SHOX: variants seen among roughly 807,000 people sequenced by gnomAD.
SHOX encodes short stature homeobox protein.
In SHOX, 12 loss-of-function variants were observed where a neutral mutation model predicts 29.6. That is an observed-to-expected ratio of 0.41 (90% confidence interval 0.26 to 0.66). The LOEUF (loss-of-function observed/expected upper bound fraction) is 0.66. Ranked by LOEUF, SHOX falls within the 30% of genes least tolerant of loss-of-function variation. The pLI, the probability that SHOX is intolerant of heterozygous loss-of-function variation, is 0.35. For missense variants in SHOX, 499 were observed against 437.7 expected (o/e 1.14, Z -1.25); for synonymous variants, 214 against 200.6 (o/e 1.07, Z -0.57).
At chrX:638,853 C>T (rs1363135845) in intron 2 of SHOX, among the ~76,000 whole-genome samples, 2 of 152,306 alleles carry the variant, frequency 1.3e-5, no homozygotes, top group South Asian at 2.1e-4. Context: ...ACCGCCTTGG[C>T]GGAGGACGCC....
At chrX:656,855 AAAAAAC>A (rs1213753198) in intron 5 of SHOX, among the ~76,000 whole-genome samples, 1 of 142,894 alleles carries the variant, frequency 7.0e-6, no homozygotes, top group Non-Finnish European at 1.5e-5. Context: ...AAAAAAAAAA[AAAAAAC>A]TGCTGCCCAA....
downstream of SHOX, among the ~76,000 whole-genome samples, chrX:655,271 C>A (rs1486002568): frequency 2.0e-5 from 3 of 151,744 alleles, no homozygotes; most frequent in African/African-American, 4.8e-5. Context: ...CCACGCCCGG[C>A]TAATTTTTTG....
At chrX:651,603 A>AAAAAT (rs1426433163), downstream of SHOX, 1 of 280,408 alleles carries the variant, frequency 3.6e-6, no homozygotes, top group African/African-American at 2.3e-5. Context: ...TTAAAAAAAA[A>AAAAAT]AAAATTCTCA....
chrX:653,240 CA>C (rs373588698), downstream of SHOX, among the ~76,000 whole-genome samples: 19 of 151,908 alleles, frequency 1.3e-4, no homozygotes, highest in African/African-American at 4.1e-4. Flanking sequence ...GACGCTGTCT[CA>C]AAAAAATGAA....
At position 646,562 on chromosome X, in the gene SHOX, T is replaced by C. The variant is rs2052967820; in HGVS notation, c.*1926T>C. On this transcript the variant is annotated 3_prime_UTR_variant, in exon 5 of 5. Coordinates refer to ENST00000686671, the MANE Select transcript of SHOX (RefSeq NM_000451.4). ...GAAAAAAAAAAACAACTTCTTTTTT[T>C]CTTCCGCATAACACTTTCTATCTTG... 6.6e-6 allele frequency: 1 copy of C among 152,172 alleles called. No homozygotes were observed. The highest frequency in any genetic ancestry group is 1.5e-5 in the Non-Finnish European group (1 of 68,028). 9.4% of individuals were successfully genotyped at this position (152,172 alleles called of 1,614,324 possible). A position where few individuals can be genotyped will look rare whatever the true frequency, so the allele number is the denominator to read the frequency against.
chrX:650,218 A>G lies in SHOX; in HGVS notation c.*5582A>G, dbSNP rs1002962059. 1.3e-5 allele frequency among the ~76,000 whole-genome samples: 2 copies of G among 152,158 alleles called. No homozygotes were observed. The highest frequency in any genetic ancestry group is 2.9e-5 in the Non-Finnish European group (2 of 68,026). ...TTTAGAGCGTAACTGACCGCGTCCA[A>G]CACCCGTTTTTCCACTTACAAAGCT... On this transcript the variant is annotated 3_prime_UTR_variant, in exon 5 of 5. Coordinates refer to ENST00000686671, the MANE Select transcript of SHOX (RefSeq NM_000451.4).
At chrX:634,193 G>T (rs1273490635) in intron 1 of SHOX, among the ~76,000 whole-genome samples, 7 of 152,202 alleles carry the variant, frequency 4.6e-5, no homozygotes, top group Non-Finnish European at 5.9e-5. Flanking sequence ...GCGTCTCTCC[G>T]TAGGCCTAGA....
chrX:635,882 G>C (rs1232385238), intron 2 of SHOX, among the ~76,000 whole-genome samples: 2 of 145,668 alleles, frequency 1.4e-5, no homozygotes, highest in Admixed American at 1.4e-4. Context: ...GAGAGAGAGA[G>C]AGACGGTCAG....
At chrX:629,481 GTCTC>G (rs1449789503), upstream of SHOX, among the ~76,000 whole-genome samples, 2 of 140,948 alleles carry the variant, frequency 1.4e-5, no homozygotes, top group African/African-American at 5.3e-5. Context: ...GTCTTTCCTT[GTCTC>G]TCTCTTTCTC....
downstream of SHOX, among the ~76,000 whole-genome samples, chrX:655,239 C>T (rs911469283): frequency 4.6e-5 from 7 of 151,862 alleles, no homozygotes; most frequent in African/African-American, 1.7e-4. Flanking sequence ...TCCCGAGTAG[C>T]TGGGATTACA....
intron 1 of SHOX, among the ~76,000 whole-genome samples, chrX:625,549 C>T (rs927735179): frequency 2.0e-5 from 3 of 150,260 alleles, no homozygotes; most frequent in Admixed American, 1.3e-4. Flanking sequence ...CTCTCTTTCT[C>T]TCCTCTGTCT....
intron 2 of SHOX, among the ~76,000 whole-genome samples, chrX:635,070 A>G (rs2052721265): frequency 6.6e-6 from 1 of 152,090 alleles, no homozygotes; most frequent in African/African-American, 2.4e-5. Flanking sequence ...TATTATACAA[A>G]TAACAAATAA....
In SHOX at chrX:644,835, T is replaced by C; in HGVS notation, c.*199T>C. 1.4e-6 allele frequency: 1 copy of C among 697,486 alleles called. No individual in the cohort carries two copies. The highest frequency in any genetic ancestry group is 2.1e-6 in the Non-Finnish European group (1 of 475,774). The allele number at this position is 697,486 out of a possible 1,614,324, so 43.2% of individuals were successfully genotyped here. A position where few individuals can be genotyped will look rare whatever the true frequency, so the allele number is the denominator to read the frequency against. On this transcript the variant is annotated 3_prime_UTR_variant, in exon 5 of 5. Coordinates refer to ENST00000686671, the MANE Select transcript of SHOX (RefSeq NM_000451.4). The stretch of plus-strand genomic sequence containing the variant: ...CGACCCAGCCAGACCCTCGCGGAGA[T>C]GGTGCAGAAGGCGGAGCGGGTGAGC...
chrX:636,830 T>C lies in SHOX; in HGVS notation c.486+2004T>C, dbSNP rs777728142. Reference sequence around the variant, plus strand: ...TTGGCCCCTGATTCCCTTCGGTTCCTGTGGGATGGGTGATTGAGTCAACAC... The same window carrying C: ...TTGGCCCCTGATTCCCTTCGGTTCCCGTGGGATGGGTGATTGAGTCAACAC... On this transcript the variant is annotated intron_variant, in intron 2 of 4. Coordinates refer to ENST00000686671, the MANE Select transcript of SHOX (RefSeq NM_000451.4). Among the ~76,000 whole-genome samples, 195 of 145,254 alleles carry C rather than the reference T, an allele frequency of 1.3e-3. 1 individual carries two copies. The highest frequency in any genetic ancestry group is 4.8e-3 in the African/African-American group (191 of 40,022).
chrX:635,772 C>A (rs1229255883), intron 2 of SHOX, among the ~76,000 whole-genome samples: 7 of 152,066 alleles, frequency 4.6e-5, no homozygotes, highest in African/African-American at 1.7e-4. Flanking sequence ...CTTCTTCCAG[C>A]CCCTGCCTGA....
At chrX:629,200 CCTCTCTCTCCCTGTCTGTGTCTCTCTTT>C (rs1192698990), upstream of SHOX, among the ~76,000 whole-genome samples, 1 of 125,256 alleles carries the variant, frequency 8.0e-6, no homozygotes, top group African/African-American at 3.2e-5. Context: ...TCTATCTCTC[CCTCTCTCTCCCTGTCTGTGTCTCTCTTT>C]CTCTCTCTCC....
downstream of SHOX, among the ~76,000 whole-genome samples, chrX:656,279 AAAAAATCAAAAATTTAG>A (rs2053145236): frequency 6.6e-6 from 1 of 151,068 alleles, no homozygotes; most frequent in African/African-American, 2.4e-5. Context: ...TTGTTTCTCC[AAAAAATCAAAAATTTAG>A]CCAGCTGTGC....
At chrX:637,939 G>A (rs1221952341) in intron 2 of SHOX, among the ~76,000 whole-genome samples, 1 of 152,168 alleles carries the variant, frequency 6.6e-6, no homozygotes, top group Non-Finnish European at 1.5e-5. Flanking sequence ...CAGCTGTCAG[G>A]CTTCTAATCG....
chrX:636,197 T>A (rs2052744100), intron 2 of SHOX, among the ~76,000 whole-genome samples: 1 of 146,984 alleles, frequency 6.8e-6, no homozygotes, highest in African/African-American at 2.5e-5. Flanking sequence ...ATAATCTATA[T>A]ACATATATAA....
Sources: allele counts gnomAD v4.1 joint callset (sites outside exome capture counted in the v4.1 genomes callset), GRCh38; gene constraint gnomAD v4.1.1; transcripts MANE v1.5; gene names NCBI Gene and HGNC (gene_info 2026-07-23, HGNC 2026-07-21).